CDC42BPB: variants seen among roughly 807,000 people sequenced by gnomAD.
The protein encoded by CDC42BPB is CDC42 binding protein kinase beta, also known as serine/threonine-protein kinase MRCK beta.
CDC42BPB carries 37 observed loss-of-function variants against 214.9 expected under a neutral mutation model. The ratio of observed to expected loss-of-function variants is 0.17; its 90% CI spans 0.13 to 0.23. CDC42BPB has a LOEUF of 0.23. Among genes scored for constraint, CDC42BPB ranks in the 10% least tolerant of loss-of-function variants. The pLI, the probability that CDC42BPB is intolerant of heterozygous loss-of-function variation, is 1.00. For missense variants in CDC42BPB, 1,694 were observed against 2,227.0 expected (o/e 0.76, Z 4.82); for synonymous variants, 931 against 884.0 (o/e 1.05, Z -0.94).
chr14:102,947,840 G>T, intron 26 of CDC42BPB, 38 bp from the exon 27 acceptor site: 3 of 1,609,558 alleles, frequency 1.9e-6, no homozygotes, highest in Non-Finnish European at 2.5e-6. Context: ...TGGGAGACAC[G>T]CGCACAGGAC....
intron 2 of CDC42BPB, 66 bp downstream of exon 2, chr14:103,012,031 G>A: frequency 1.0e-6 from 1 of 996,118 alleles, no homozygotes; most frequent in South Asian, 1.3e-5. Context: ...TGCACAAAAA[G>A]GTGAAATGGA....
Position 102,983,145 on chromosome 14 carries a change from A to T in CDC42BPB, c.891+411T>A, listed in dbSNP as rs910580498. Among the ~76,000 whole-genome samples the T allele has an allele frequency of 2.0e-5, 3 of 152,084 alleles. No individual in the cohort carries two copies. The South Asian group carries it at 6.2e-4, about 32-fold the overall frequency. On this transcript the variant is annotated intron_variant, in intron 7 of 36. Transcript: ENST00000361246. Reference sequence around the variant, plus strand: ...ATCAAAGTTGGCACCTAACCAGTGAATCTAGAGCCACAGGTCAAAGGGCCC... The same window carrying T: ...ATCAAAGTTGGCACCTAACCAGTGATTCTAGAGCCACAGGTCAAAGGGCCC...
Position 102,944,528 on chromosome 14 carries a change from C to A in CDC42BPB, c.3812-41G>T, listed in dbSNP as rs1892060004. ...CAAGAGCGTGAGGCCGACGGGACAG[C>A]CAGCAGCTCCCAGGGGCTGACGGCC... On this transcript the variant is annotated intron_variant, in intron 29 of 36. Coordinates refer to ENST00000361246, the MANE Select transcript of CDC42BPB (RefSeq NM_006035.4). This position sits in a 1 kb window ranked among gnomAD's most constrained non-coding sequence, Gnocchi z 6.6. 4 of 1,579,174 alleles carry A rather than the reference C, an allele frequency of 2.5e-6. No homozygotes were observed. Among genetic ancestry groups the A allele is most frequent in the Non-Finnish European group, 3.4e-6 (4 of 1,161,042 alleles).
intron 20 of CDC42BPB, among the ~76,000 whole-genome samples, chr14:102,961,533 C>G (rs545366895): frequency 6.6e-6 from 1 of 151,004 alleles, no homozygotes; most frequent in South Asian, 2.1e-4. Context: ...TGGCAAAACC[C>G]CCCCCACTTT....
At chr14:103,025,873 A>G (rs1175924160) in intron 1 of CDC42BPB, among the ~76,000 whole-genome samples, 1 of 152,106 alleles carries the variant, frequency 6.6e-6, no homozygotes, top group Admixed American at 6.6e-5. Context: ...ATGTATGTGA[A>G]GCTAAAAAAA....
chr14:103,055,357 A>T (rs1888886039), intron 1 of CDC42BPB, among the ~76,000 whole-genome samples: 1 of 152,204 alleles, frequency 6.6e-6, no homozygotes, highest in Admixed American at 6.5e-5. Flanking sequence ...CAGGAGATGG[A>T]GGTTGTAGTG....
chr14:103,051,155 G>C (rs1419428329), intron 1 of CDC42BPB, among the ~76,000 whole-genome samples: 1 of 146,700 alleles, frequency 6.8e-6, no homozygotes, highest in Non-Finnish European at 1.5e-5. Context: ...TATTTGGGGC[G>C]GGGGGGCGGG....
chr14:102,984,007 T>G, intron 6 of CDC42BPB: 1 of 371,018 alleles, frequency 2.7e-6, no homozygotes, highest in Non-Finnish European at 3.7e-6. Flanking sequence ...ACGGGCAACA[T>G]GGTCCCCAAC....
rs572940073 is a variant in CDC42BPB, at chr14:103,017,143, A to G, written c.176-4955T>C. Among the ~76,000 whole-genome samples the G allele has an allele frequency of 2.5e-3, 384 of 152,262 alleles. 3 individuals are homozygous for G. Among genetic ancestry groups the G allele is most frequent in the Non-Finnish European group, 4.6e-3 (316 of 68,012 alleles). On this transcript the variant is annotated intron_variant, in intron 1 of 36. Transcript: ENST00000361246. ...TCAAGACCAGCCTGGGCAACATGAC[A>G]AGACTCTATCTCTACAAAAAATAAA...
chr14:103,038,351 A>C (rs1233380026), intron 1 of CDC42BPB, among the ~76,000 whole-genome samples: 1 of 151,908 alleles, frequency 6.6e-6, no homozygotes, highest in African/African-American at 2.4e-5. Context: ...CAAAAAAAAA[A>C]AAAAAACCAA....
In CDC42BPB at chr14:103,004,073, GAGAGCGT is replaced by G. The variant is rs761915683; in HGVS notation, c.352-57_352-51del. 1 of 1,534,768 alleles carries G rather than the reference GAGAGCGT, an allele frequency of 6.5e-7. No individual in the cohort carries two copies. The highest frequency in any genetic ancestry group is 1.4e-5 in the African/African-American group (1 of 73,398). On this transcript the variant is annotated intron_variant, in intron 3 of 36. Coordinates refer to ENST00000361246, the MANE Select transcript of CDC42BPB (RefSeq NM_006035.4). This position sits in a 1 kb window ranked among gnomAD's most constrained non-coding sequence, Gnocchi z 5.3. ...TCTGTGTTCACTGGGAAGCAGGCCA[GAGAGCGT>G]ACTGCCGGTCTCGGGGTCCCTCCTG... is the stretch of plus-strand genomic sequence containing the variant.
rs17101110 is a variant in CDC42BPB, at chr14:102,966,140, G to A, written c.2577+142C>T. 2.4e-3 allele frequency: 1,392 copies of A among 575,576 alleles called. 15 individuals carry two copies. Among genetic ancestry groups the A allele is most frequent in the African/African-American group, 0.018 (932 of 52,762 alleles). 35.7% of individuals were successfully genotyped at this position (575,576 alleles called of 1,614,324 possible). The stretch of plus-strand genomic sequence containing the variant: ...GATCTGAGAGCTGGCAAATGTTGGC[G>A]TTCCTTAAATTGGGGAACTGGTTAC... On this transcript the variant is annotated intron_variant, in intron 18 of 36. Coordinates refer to ENST00000361246, the MANE Select transcript of CDC42BPB (RefSeq NM_006035.4).
chr14:103,045,753 G>A (rs976209219), intron 1 of CDC42BPB, among the ~76,000 whole-genome samples: 6 of 152,140 alleles, frequency 3.9e-5, no homozygotes, highest in South Asian at 2.1e-4. Context: ...CTCTGACTTC[G>A]TGCAGAGTTG....
chr14:102,979,062 G>A (rs2139508857), intron 8 of CDC42BPB, among the ~76,000 whole-genome samples: 1 of 152,244 alleles, frequency 6.6e-6, no homozygotes, highest in South Asian at 2.1e-4. Context: ...TGTGGAAGGA[G>A]TTGGAGTCTG....
Position 103,004,096 on chromosome 14 carries a change from G to A in CDC42BPB, c.352-73C>T. On this transcript the variant is annotated intron_variant, in intron 3 of 36. Transcript: ENST00000361246. This position sits in a 1 kb window ranked among gnomAD's most constrained non-coding sequence, Gnocchi z 5.3. ...CAGAGAGCGTACTGCCGGTCTCGGG[G>A]TCCCTCCTGGGACAGTGGCTCCAGC... The A allele has an allele frequency of 6.7e-7, 1 of 1,488,216 alleles. No homozygotes were observed. The highest frequency in any genetic ancestry group is 9.0e-7 in the Non-Finnish European group (1 of 1,115,436). 92.2% of individuals were successfully genotyped at this position (1,488,216 alleles called of 1,614,324 possible). A position where few individuals can be genotyped will look rare whatever the true frequency, so the allele number is the denominator to read the frequency against.
At position 103,057,129 on chromosome 14, in the gene CDC42BPB, C is replaced by T. The variant is rs1396133832; in HGVS notation, c.45G>A (p.Leu15=). The change falls in exon 1 of 37, where the codon CTG becomes CTA. Residue 15 remains leucine, a synonymous_variant. Coordinates refer to ENST00000361246, the MANE Select transcript of CDC42BPB (RefSeq NM_006035.4). The stretch of plus-strand genomic sequence containing the variant: ...CGCTCTCGTTGCGCCAGGGCCCGTC[C>T]AGGAGCAGCTGCTCCAGCTTCTTGA... ...VRLKKLEQLL[L]DGPWRNESAL... 2.0e-6 allele frequency: 3 copies of T among 1,512,222 alleles called. No homozygotes were observed. The highest frequency in any genetic ancestry group is 2.6e-6 in the Non-Finnish European group (3 of 1,136,134). 93.7% of individuals were successfully genotyped at this position (1,512,222 alleles called of 1,614,324 possible).
intron 21 of CDC42BPB, 66 bp downstream of exon 21, chr14:102,959,565 A>T: frequency 9.0e-7 from 1 of 1,114,930 alleles, no homozygotes; most frequent in Non-Finnish European, 1.3e-6. Context: ...TGGTAAAATC[A>T]TATATGACAC....
At chr14:103,044,780 G>T (rs1343703701) in intron 1 of CDC42BPB, among the ~76,000 whole-genome samples, 1 of 151,366 alleles carries the variant, frequency 6.6e-6, no homozygotes, top group Non-Finnish European at 1.5e-5. Flanking sequence ...CAAAGTGCTG[G>T]GATTGCAGGC....
chr14:102,941,106 G>C, intron 30 of CDC42BPB: 1 of 984,436 alleles, frequency 1.0e-6, no homozygotes, highest in East Asian at 1.1e-4. Flanking sequence ...CAAGGGAGCG[G>C]TGTGCGTCTT....
Sources: allele counts gnomAD v4.1 joint callset (sites outside exome capture counted in the v4.1 genomes callset), GRCh38; gene constraint gnomAD v4.1.1; non-coding constraint Gnocchi (gnomAD v3.1); transcripts MANE v1.5; gene names NCBI Gene and HGNC (gene_info 2026-07-23, HGNC 2026-07-21).